LUZP2: variants seen among roughly 807,000 people sequenced by gnomAD.
LUZP2 encodes the protein leucine zipper protein 2.
In LUZP2, 52 loss-of-function variants were observed where a neutral mutation model predicts 51.6. That is an observed-to-expected ratio of 1.01 (90% CI 0.81 to 1.27). LUZP2 has a LOEUF of 1.27. Ranked by LOEUF, LUZP2 falls within the 50% of genes most tolerant of loss-of-function variation. The pLI is 0.00. For missense variants in LUZP2, 436 were observed against 395.4 expected (o/e 1.10, Z -0.87); for synonymous variants, 154 against 137.3 (o/e 1.12, Z -0.85).
At chr11:24,796,572 A>G (rs979874363) in intron 5 of LUZP2, among the ~76,000 whole-genome samples, 5 of 144,706 alleles carry the variant, frequency 3.5e-5, no homozygotes, top group Admixed American at 7.0e-5. Context: ...GCCAAAGAGA[A>G]AAAAAAAAAA....
At chr11:24,974,240 A>G (rs1379699755) in intron 7 of LUZP2, among the ~76,000 whole-genome samples, 2 of 152,038 alleles carry the variant, frequency 1.3e-5, no homozygotes, top group Non-Finnish European at 2.9e-5. Context: ...GTTTTGTCAG[A>G]AATTAGGATT....
intron 1 of LUZP2, among the ~76,000 whole-genome samples, chr11:24,518,059 T>A (rs1354944783): frequency 6.6e-6 from 1 of 152,102 alleles, no homozygotes; most frequent in African/African-American, 2.4e-5. Context: ...GGAGAAATTA[T>A]TTTTTAGAGG....
chr11:24,918,569 A>C (rs1159204593), intron 7 of LUZP2, among the ~76,000 whole-genome samples: 1 of 151,858 alleles, frequency 6.6e-6, no homozygotes, highest in East Asian at 1.9e-4. Flanking sequence ...TCTCAAAATA[A>C]TAAGAGCTAT....
chr11:24,582,739 G>T (rs773138143), intron 1 of LUZP2, among the ~76,000 whole-genome samples: 2 of 151,876 alleles, frequency 1.3e-5, no homozygotes, highest in East Asian at 3.9e-4. Flanking sequence ...TGGTTCCAGC[G>T]GTTTTGTTTT....
Position 24,597,336 on chromosome 11 carries a change from T to C in LUZP2, c.62+100031T>C, listed in dbSNP as rs73433021. Among the ~76,000 whole-genome samples the C allele has an allele frequency of 2.6e-3, 398 of 152,340 alleles. 1 individual carries two copies. The highest frequency in any genetic ancestry group is 9.2e-3 in the African/African-American group (383 of 41,572). Reference sequence around the variant, plus strand: ...GAATCTCCTGCACAGTAATGCACTCTATTGATATACAGTAAGTCTTCCCTC... The same window carrying C: ...GAATCTCCTGCACAGTAATGCACTCCATTGATATACAGTAAGTCTTCCCTC... On this transcript the variant is annotated intron_variant, in intron 1 of 11. Coordinates refer to ENST00000336930, the MANE Select transcript of LUZP2 (RefSeq NM_001009909.4).
At chr11:24,638,595 A>C (rs1266615311) in intron 1 of LUZP2, among the ~76,000 whole-genome samples, 3 of 151,674 alleles carry the variant, frequency 2.0e-5, no homozygotes, top group Non-Finnish European at 4.4e-5. Context: ...ATGGCCTTAA[A>C]AGAAGGATTA....
chr11:24,562,837 G>A (rs1590183545), intron 1 of LUZP2, among the ~76,000 whole-genome samples: 1 of 148,274 alleles, frequency 6.7e-6, no homozygotes, highest in Admixed American at 6.8e-5. Context: ...ACTCCAGCCT[G>A]GGTGACAGAG....
chr11:24,520,574 C>T (rs1202750607), intron 1 of LUZP2, among the ~76,000 whole-genome samples: 2 of 152,138 alleles, frequency 1.3e-5, no homozygotes, highest in African/African-American at 2.4e-5. Flanking sequence ...AATTGTAAAA[C>T]GTGGTCTTGT....
rs1858812958 is a variant in LUZP2 at position 25,060,728 on chromosome 11, A to ATATCACTTTTCTTTTTATTTATACTGTTG, written c.858+10601_858+10602insCACTTTTCTTTTTATTTATACTGTTGTAT. ...AACAGTATAAATAAAAAGAAAAGTG[A>ATATCACTTTTCTTTTTATTTATACTGTTG]TATAGAATAAAAAGCCATATAACAA... On this transcript the variant is annotated intron_variant, in intron 10 of 11. Transcript: ENST00000336930. Among the ~76,000 whole-genome samples the ATATCACTTTTCTTTTTATTTATACTGTTG allele has an allele frequency of 2.0e-5, 3 of 152,290 alleles. No homozygotes were observed. In the East Asian group the frequency reaches 5.8e-4, roughly 29 times the overall value.
At chr11:24,803,898 G>A (rs144548637) in intron 5 of LUZP2, among the ~76,000 whole-genome samples, 97 of 150,742 alleles carry the variant, frequency 6.4e-4, no homozygotes, top group African/African-American at 1.9e-3. Flanking sequence ...AGAACTTATG[G>A]TAAGTGAGTT....
At chr11:24,569,617 A>G (rs543356784) in intron 1 of LUZP2, among the ~76,000 whole-genome samples, 2 of 152,210 alleles carry the variant, frequency 1.3e-5, no homozygotes, top group Admixed American at 1.3e-4. Flanking sequence ...TATAAAATGT[A>G]GCAGAAGAAA....
intron 1 of LUZP2, among the ~76,000 whole-genome samples, chr11:24,605,727 G>A (rs1853894731): frequency 6.6e-6 from 1 of 151,534 alleles, no homozygotes; most frequent in East Asian, 1.9e-4. Context: ...TAAAACATTT[G>A]TATACTTAAG....
intron 7 of LUZP2, among the ~76,000 whole-genome samples, chr11:24,928,129 G>A (rs1854334122): frequency 6.6e-6 from 1 of 152,028 alleles, no homozygotes; most frequent in Non-Finnish European, 1.5e-5. Context: ...TCAGTTCTAG[G>A]AGCTTTTTGG....
At chr11:24,596,428 T>A (rs1486100228) in intron 1 of LUZP2, among the ~76,000 whole-genome samples, 1 of 152,164 alleles carries the variant, frequency 6.6e-6, no homozygotes, top group Non-Finnish European at 1.5e-5. Context: ...TTTGTAGGAC[T>A]TTTATGCAAT....
chr11:24,872,268 G>T (rs537479879), intron 5 of LUZP2, among the ~76,000 whole-genome samples: 1 of 152,136 alleles, frequency 6.6e-6, no homozygotes, highest in Non-Finnish European at 1.5e-5. Context: ...GTCTAATTCA[G>T]TATTGTGATG....
intron 9 of LUZP2, among the ~76,000 whole-genome samples, chr11:24,990,492 T>C (rs1372770959): frequency 1.3e-5 from 2 of 152,080 alleles, no homozygotes; most frequent in African/African-American, 4.8e-5. Flanking sequence ...TAATATATGG[T>C]TCAAATATTT....
intron 1 of LUZP2, among the ~76,000 whole-genome samples, chr11:24,538,365 A>G (rs1313850604): frequency 2.6e-5 from 4 of 151,804 alleles, no homozygotes; most frequent in African/African-American, 9.7e-5. Context: ...ATAAGAAGAA[A>G]ACATGGAAAT....
chr11:24,550,961 A>G (rs1201808971), intron 1 of LUZP2, among the ~76,000 whole-genome samples: 1 of 151,984 alleles, frequency 6.6e-6, no homozygotes, highest in African/African-American at 2.4e-5. Flanking sequence ...ACAAACACAC[A>G]CACAAAATGT....
intron 7 of LUZP2, among the ~76,000 whole-genome samples, chr11:24,937,447 A>G (rs1377232837): frequency 6.6e-6 from 1 of 152,226 alleles, no homozygotes; most frequent in African/African-American, 2.4e-5. Flanking sequence ...GCAGGATCAA[A>G]TGAGATTGTA....
Sources: gnomAD v4.1 joint callset for allele counts (sites outside exome capture counted in the v4.1 genomes callset) on GRCh38, gnomAD v4.1.1 for gene constraint, MANE v1.5 for transcripts, NCBI Gene and HGNC (gene_info 2026-07-23, HGNC 2026-07-21) for gene names.